Variants in COL11A1 observed in about 807,000 individuals in gnomAD.
COL11A1 encodes the protein collagen alpha-1(XI) chain.
In COL11A1, 74 loss-of-function variants were observed where a neutral mutation model predicts 265.2. The observed-to-expected ratio is 0.28, with a 90% CI of 0.23 to 0.34. The LOEUF (loss-of-function observed/expected upper bound fraction) is 0.34. COL11A1 is among the 10% of genes least tolerant of loss of function. The pLI is 1.00. For synonymous variants in COL11A1, 816 were observed against 727.6 expected (o/e 1.12, Z -1.96); for missense variants, 2,165 against 2,263.6 (o/e 0.96, Z 0.88).
chr1:102,987,878 G>A (rs570227500), intron 29 of COL11A1, 138 bp from the exon 30 acceptor site: 18 of 703,046 alleles, frequency 2.6e-5, no homozygotes, highest in Admixed American at 1.0e-4. Context: ...GCCCTTGATC[G>A]TTCCTGGGCA....
At chr1:103,092,027 T>A (rs562267677) in intron 1 of COL11A1, among the ~76,000 whole-genome samples, 1 of 152,216 alleles carries the variant, frequency 6.6e-6, no homozygotes, top group Admixed American at 6.5e-5. Context: ...CAAAATGAAC[T>A]GCATAGTGAA....
chr1:103,020,867 T>A (rs1261116708), intron 9 of COL11A1, among the ~76,000 whole-genome samples: 2 of 139,084 alleles, frequency 1.4e-5, no homozygotes, highest in African/African-American at 5.2e-5. Flanking sequence ...CATTGCTTGT[T>A]TTTGTCAGGT....
chr1:102,966,574 T>A (rs1037802545), intron 37 of COL11A1, among the ~76,000 whole-genome samples: 3 of 152,202 alleles, frequency 2.0e-5, no homozygotes, highest in Admixed American at 2.0e-4. Context: ...TGAGCTATCA[T>A]TATGAATAGC....
intron 4 of COL11A1, among the ~76,000 whole-genome samples, chr1:103,050,073 G>C (rs1669671569): frequency 6.6e-6 from 1 of 152,080 alleles, no homozygotes; most frequent in African/African-American, 2.4e-5. Context: ...TGACAATTAT[G>C]TTTCTTGGAG....
chr1:102,997,420 C>A (rs1367193810), intron 25 of COL11A1, among the ~76,000 whole-genome samples: 1 of 151,774 alleles, frequency 6.6e-6, no homozygotes, highest in Non-Finnish European at 1.5e-5. Context: ...ACAATTCAAC[C>A]CCAGCCTCAA....
chr1:103,026,788 G>A (rs1053689773), intron 5 of COL11A1, among the ~76,000 whole-genome samples: 1 of 152,004 alleles, frequency 6.6e-6, no homozygotes, highest in African/African-American at 2.4e-5. Flanking sequence ...GTCTTCCTAA[G>A]TATGAAAGGA....
chr1:102,913,033 G>T (rs1031791687), intron 53 of COL11A1, among the ~76,000 whole-genome samples: 1 of 152,128 alleles, frequency 6.6e-6, no homozygotes, highest in Non-Finnish European at 1.5e-5. Context: ...ATGATCCACA[G>T]GTCTGTCTAT....
chr1:103,106,335 C>T (rs1215707427), intron 1 of COL11A1, among the ~76,000 whole-genome samples: 2 of 152,130 alleles, frequency 1.3e-5, no homozygotes. Flanking sequence ...CAATAAATAG[C>T]TGCCATTACA....
At chr1:103,100,600 A>G (rs10493988) in intron 1 of COL11A1, 47,083 of 151,726 alleles carry the variant, frequency 0.31, 7,713 homozygotes, top group Non-Finnish European at 0.36. Flanking sequence ...AAGGCAGTCA[A>G]GTTATTCACC....
intron 42 of COL11A1, among the ~76,000 whole-genome samples, chr1:102,946,290 C>A (rs1368533505): frequency 6.7e-6 from 1 of 148,552 alleles, no homozygotes; most frequent in Non-Finnish European, 1.5e-5. Flanking sequence ...AACTAACCTG[C>A]ACATTGTGGA....
At chr1:102,943,481 AC>A (rs67603009) in intron 42 of COL11A1, among the ~76,000 whole-genome samples, 18,723 of 100,592 alleles carry the variant, frequency 0.19, 1,315 homozygotes, top group East Asian at 0.29. Context: ...ACACACACAC[AC>A]ACAAACAACC....
intron 4 of COL11A1, among the ~76,000 whole-genome samples, chr1:103,070,708 T>A (rs1671515766): frequency 6.6e-6 from 1 of 151,938 alleles, no homozygotes; most frequent in Non-Finnish European, 1.5e-5. Flanking sequence ...GATTCAATTG[T>A]AACTCAATAA....
At chr1:102,890,559 G>C (rs1651636117) in intron 57 of COL11A1, 55 bp from the exon 58 acceptor site, 1 of 1,459,528 alleles carries the variant, frequency 6.9e-7, no homozygotes, top group South Asian at 1.3e-5. Context: ...GTATGAATTA[G>C]AGAATCCTAT....
At chr1:102,928,112 TA>T (rs1000697848) in intron 46 of COL11A1, among the ~76,000 whole-genome samples, 5 of 152,046 alleles carry the variant, frequency 3.3e-5, no homozygotes, top group Admixed American at 2.0e-4. Context: ...CTTTTTTTTT[TA>T]TTATACTTTA....
At chr1:103,085,815 A>G (rs1342779304) in intron 1 of COL11A1, among the ~76,000 whole-genome samples, 1 of 152,160 alleles carries the variant, frequency 6.6e-6, no homozygotes, top group East Asian at 1.9e-4. Context: ...CCTCATAACT[A>G]AGAAAATGCT....
chr1:103,004,799 T>A (rs1254036641), intron 18 of COL11A1, 138 bp from the exon 19 acceptor site: 7 of 658,630 alleles, frequency 1.1e-5, no homozygotes, highest in East Asian at 2.8e-5. Flanking sequence ...CCTCAAAAAA[T>A]TTTGCAGATA....
At position 102,898,776 on chromosome 1, in the gene COL11A1, G is replaced by C; in HGVS notation, c.4141-3C>G. On this transcript the variant is annotated splice_region_variant and splice_polypyrimidine_tract_variant and intron_variant, in intron 55 of 66. Coordinates refer to ENST00000370096, the MANE Select transcript of COL11A1 (RefSeq NM_001854.4). ...GGACCTTCTGCACCTGCTTCCCCCT[G>C]TTAGAAAGTAAAATATGGGAGCACA... 1 of 1,611,592 alleles carries C rather than the reference G, an allele frequency of 6.2e-7. No individual in the cohort carries two copies. Among genetic ancestry groups the C allele is most frequent in the Non-Finnish European group, 8.5e-7 (1 of 1,178,474 alleles).
At chr1:103,025,721 G>A (rs1472536896) in intron 6 of COL11A1, 108 bp from the exon 7 acceptor site, 4 of 1,576,622 alleles carry the variant, frequency 2.5e-6, no homozygotes, top group East Asian at 2.2e-5. Flanking sequence ...TATTTATCTA[G>A]TTGGGTTAAG....
At chr1:103,034,615 GT>G (rs919289299) in intron 4 of COL11A1, among the ~76,000 whole-genome samples, 2 of 150,248 alleles carry the variant, frequency 1.3e-5, no homozygotes, top group African/African-American at 4.9e-5. Flanking sequence ...ATTTAGTCAT[GT>G]TTTTTACGTT....
Sources: gnomAD v4.1 joint callset for allele counts (sites outside exome capture counted in the v4.1 genomes callset) on GRCh38, gnomAD v4.1.1 for gene constraint, MANE v1.5 for transcripts, NCBI Gene and HGNC (gene_info 2026-07-23, HGNC 2026-07-21) for gene names.